Variants in UGT2A1 observed in about 807,000 individuals in gnomAD.
The protein encoded by UGT2A1 is UDP-glucuronosyltransferase 2A1.
A neutral mutation model predicts 45.4 loss-of-function variants in UGT2A1; 61 were observed. That is an observed-to-expected ratio of 1.34 (90% CI 1.09 to 1.66). UGT2A1 has a LOEUF of 1.66. Among genes scored for constraint, UGT2A1 ranks in the 40% most tolerant of loss-of-function variants. The pLI, the probability that UGT2A1 is intolerant of heterozygous loss-of-function variation, is 0.00. For synonymous variants in UGT2A1, 229 were observed against 196.2 expected (o/e 1.17, Z -1.40); for missense variants, 649 against 574.3 (o/e 1.13, Z -1.33).
intron 5 of UGT2A1, 124 bp from the exon 6 acceptor site, chr4:69,594,820 C>T (rs1718821962): frequency 8.3e-7 from 1 of 1,211,206 alleles, no homozygotes; most frequent in South Asian, 1.6e-5. Flanking sequence ...TCTACAAAAG[C>T]AGATCACATA....
intron 3 of UGT2A1, among the ~76,000 whole-genome samples, chr4:69,611,631 T>C (rs1368241718): frequency 6.6e-6 from 1 of 152,112 alleles, no homozygotes; most frequent in East Asian, 1.9e-4. Context: ...AGGGATTGCA[T>C]AAATTTAAAA....
intron 2 of UGT2A1, among the ~76,000 whole-genome samples, chr4:69,637,932 A>C (rs1041440492): frequency 1.2e-4 from 18 of 151,144 alleles, no homozygotes; most frequent in East Asian, 1.9e-4. Flanking sequence ...GGCAGGCAGG[A>C]AGGAAGGAAG....
At position 69,588,559 on chromosome 4, in the gene UGT2A1, A is replaced by C. The variant is rs1352903480; in HGVS notation, c.*813T>G. On this transcript the variant is annotated 3_prime_UTR_variant, in exon 7 of 7. Transcript: ENST00000286604. ...GTAATTATTTGTACAGTTGACTAAAAATTTTATAAAAATGATAATTATTTT... is the reference window on the plus strand; with the variant it reads ...GTAATTATTTGTACAGTTGACTAAACATTTTATAAAAATGATAATTATTTT... The C allele has an allele frequency of 1.3e-5, 2 of 152,098 alleles. No individual in the cohort carries two copies. The highest frequency in any genetic ancestry group is 2.9e-5 in the Non-Finnish European group (2 of 67,994). The allele number at this position is 152,098 out of a possible 1,614,324, so 9.4% of individuals were successfully genotyped here. A position where few individuals can be genotyped will look rare whatever the true frequency, so the allele number is the denominator to read the frequency against.
chr4:69,611,039 T>C (rs1720004561), intron 3 of UGT2A1, among the ~76,000 whole-genome samples: 1 of 152,162 alleles, frequency 6.6e-6, no homozygotes, highest in South Asian at 2.1e-4. Flanking sequence ...ACATAAAAAT[T>C]AGAAAGCAAA....
intron 1 of UGT2A1, among the ~76,000 whole-genome samples, chr4:69,650,441 C>T (rs1185608708): frequency 6.6e-6 from 1 of 151,918 alleles, no homozygotes; most frequent in African/African-American, 2.4e-5. Flanking sequence ...ATAAATTAGG[C>T]CAAAGAATCC....
chr4:69,642,656 A>G (rs957558661), intron 2 of UGT2A1, among the ~76,000 whole-genome samples: 5 of 151,752 alleles, frequency 3.3e-5, no homozygotes, highest in African/African-American at 1.2e-4. Flanking sequence ...TATTATGATC[A>G]TTCTTTTTGA....
At chr4:69,601,672 G>A (rs1464304865) in intron 3 of UGT2A1, among the ~76,000 whole-genome samples, 1 of 152,016 alleles carries the variant, frequency 6.6e-6, no homozygotes, top group East Asian at 1.9e-4. Context: ...ACATTGCTAA[G>A]GCCAATAACC....
At chr4:69,597,511 G>T (rs1718999769) in intron 4 of UGT2A1, among the ~76,000 whole-genome samples, 1 of 152,066 alleles carries the variant, frequency 6.6e-6, no homozygotes, top group African/African-American at 2.4e-5. Context: ...TGCATTCCCT[G>T]TGCAAATATT....
intron 3 of UGT2A1, among the ~76,000 whole-genome samples, chr4:69,606,790 A>G (rs570453996): frequency 1.5e-5 from 2 of 136,990 alleles, no homozygotes; most frequent in South Asian, 4.8e-4. Flanking sequence ...AGACAAACAG[A>G]GAGCCAAATC....
chr4:69,627,397 T>C (rs986156939), intron 3 of UGT2A1, among the ~76,000 whole-genome samples: 1 of 151,718 alleles, frequency 6.6e-6, no homozygotes, highest in Non-Finnish European at 1.5e-5. Context: ...ATTCATATGA[T>C]TTTATGCATA....
intron 3 of UGT2A1, among the ~76,000 whole-genome samples, chr4:69,627,614 G>C (rs1237650831): frequency 1.3e-5 from 2 of 150,782 alleles, no homozygotes; most frequent in Admixed American, 6.6e-5. Context: ...AAGAAAGAAA[G>C]AGAAGAAAGA....
At chr4:69,631,650 G>C (rs373611610) in intron 3 of UGT2A1, among the ~76,000 whole-genome samples, 1 of 152,288 alleles carries the variant, frequency 6.6e-6, no homozygotes, top group East Asian at 1.9e-4. Flanking sequence ...CAAGCAAGGA[G>C]AGGAGTGTGT....
At chr4:69,601,394 A>G (rs1719286053) in intron 3 of UGT2A1, among the ~76,000 whole-genome samples, 1 of 152,106 alleles carries the variant, frequency 6.6e-6, no homozygotes, top group African/African-American at 2.4e-5. Context: ...CGCCCCCCGG[A>G]GTACTACTCC....
At chr4:69,628,237 T>G (rs1721195266) in intron 3 of UGT2A1, among the ~76,000 whole-genome samples, 1 of 151,666 alleles carries the variant, frequency 6.6e-6, no homozygotes, top group Non-Finnish European at 1.5e-5. Flanking sequence ...CACTGGCATT[T>G]TTTTAAAGAA....
Position 69,589,362 on chromosome 4 carries a change from T to G in UGT2A1, c.*10A>C. On this transcript the variant is annotated 3_prime_UTR_variant, in exon 7 of 7. Coordinates refer to ENST00000286604, the MANE Select transcript of UGT2A1 (RefSeq NM_001252275.3). ...ACTTAAAAATATATATATTTCCTCT[T>G]TTTCTTGACCTATTCTCTTTTTTTC... 1.2e-6 allele frequency: 2 copies of G among 1,600,022 alleles called. No individual in the cohort carries two copies. The highest frequency in any genetic ancestry group is 1.7e-6 in the Non-Finnish European group (2 of 1,173,722).
At position 69,603,512 on chromosome 4, in the gene UGT2A1, C is replaced by T. The variant is rs1310939992; in HGVS notation, c.848-4118G>A. On this transcript the variant is annotated intron_variant, in intron 3 of 6. Transcript: ENST00000286604. The stretch of plus-strand genomic sequence containing the variant: ...GGAAACTCTAAAAATCAGAGTGCCT[C>T]TCCTCCTCCAAAGGAAAGCAGCTCC... The T allele has an allele frequency of 2.2e-5, 3 of 136,700 alleles. 1 individual carries two copies. Among genetic ancestry groups the T allele is most frequent in the Non-Finnish European group, 4.7e-5 (3 of 64,318 alleles). 8.5% of individuals were successfully genotyped at this position (136,700 alleles called of 1,614,324 possible). A position where few individuals can be genotyped will look rare whatever the true frequency, so the allele number is the denominator to read the frequency against.
chr4:69,639,278 T>A, intron 2 of UGT2A1: 1 of 1,613,758 alleles, frequency 6.2e-7, no homozygotes. Flanking sequence ...CTAGAAGTTT[T>A]CCTAGTTCTT....
intron 2 of UGT2A1, among the ~76,000 whole-genome samples, chr4:69,644,927 C>G (rs1722188333): frequency 6.6e-6 from 1 of 151,798 alleles, no homozygotes; most frequent in South Asian, 2.1e-4. Flanking sequence ...GAACAGAGAT[C>G]TGTAGAAAAG....
chr4:69,598,966 A>G (rs962184481), intron 4 of UGT2A1, among the ~76,000 whole-genome samples: 16 of 152,120 alleles, frequency 1.1e-4, no homozygotes, highest in Non-Finnish European at 2.2e-4. Context: ...AATTTCTATG[A>G]TCTGGTTTTC....
Sources: gnomAD v4.1 joint callset for allele counts (sites outside exome capture counted in the v4.1 genomes callset) on GRCh38, gnomAD v4.1.1 for gene constraint, MANE v1.5 for transcripts, NCBI Gene and HGNC (gene_info 2026-07-23, HGNC 2026-07-21) for gene names.